SCFD2: variants seen among roughly 807,000 people sequenced by gnomAD.
SCFD2 encodes the protein sec1 family domain-containing protein 2.
In SCFD2, 54 loss-of-function variants were observed where a neutral mutation model predicts 58.9. That is an observed-to-expected ratio of 0.92 (90% CI 0.74 to 1.15). SCFD2 has a LOEUF of 1.15. Among genes scored for constraint, SCFD2 ranks in the 50% most tolerant of loss-of-function variants. The pLI, the probability that SCFD2 is intolerant of heterozygous loss-of-function variation, is 0.00. For missense variants in SCFD2, 805 were observed against 836.6 expected, an observed-to-expected ratio of 0.96 and a Z score of 0.47; for synonymous variants, 321 against 335.9, an observed-to-expected ratio of 0.96 and a Z score of 0.49.
At chr4:53,298,387 G>C (rs912330386) in intron 3 of SCFD2, among the ~76,000 whole-genome samples, 1 of 152,156 alleles carries the variant, frequency 6.6e-6, no homozygotes, top group Admixed American at 6.5e-5. Context: ...AGGCAGTAGC[G>C]AGGCTGGGGG....
chr4:53,342,603 C>T (rs1405165724), intron 2 of SCFD2, among the ~76,000 whole-genome samples: 1 of 152,190 alleles, frequency 6.6e-6, no homozygotes, highest in African/African-American at 2.4e-5. Flanking sequence ...CTGCACCAAG[C>T]AGACCTAATA....
intron 5 of SCFD2, among the ~76,000 whole-genome samples, chr4:53,041,860 A>G (rs116003143): frequency 0.012 from 1,832 of 152,196 alleles, 34 homozygotes; most frequent in African/African-American, 0.042. Flanking sequence ...GAGTGTATCC[A>G]CTTCTTCCAT....
intron 5 of SCFD2, among the ~76,000 whole-genome samples, chr4:52,940,601 A>G (rs1720267880): frequency 6.6e-6 from 1 of 152,198 alleles, no homozygotes; most frequent in Non-Finnish European, 1.5e-5. Context: ...AGAAAGAGGA[A>G]TGTAGCTGAA....
At chr4:53,143,070 C>G (rs1289744379) in intron 5 of SCFD2, among the ~76,000 whole-genome samples, 1 of 152,002 alleles carries the variant, frequency 6.6e-6, no homozygotes, top group Non-Finnish European at 1.5e-5. Context: ...AGTACAAATG[C>G]ACAGAAGTAT....
At chr4:53,329,223 C>T (rs565076544) in intron 2 of SCFD2, among the ~76,000 whole-genome samples, 2 of 152,200 alleles carry the variant, frequency 1.3e-5, no homozygotes. Flanking sequence ...CCTGGAAGCT[C>T]GAACTGGGTG....
Position 52,881,087 on chromosome 4 carries a change from C to A in SCFD2, c.1962+4660G>T, listed in dbSNP as rs79578109. On this transcript the variant is annotated intron_variant, in intron 8 of 8. Coordinates refer to ENST00000401642, the MANE Select transcript of SCFD2 (RefSeq NM_152540.4). ...CTTCTCCAATGCACCCATTTTCTCT[C>A]ATCAGCACATCTCCCAACAGCCACA... is the stretch of plus-strand genomic sequence containing the variant. 1.3e-3 allele frequency among the ~76,000 whole-genome samples: 199 copies of A among 152,378 alleles called. 1 individual carries two copies. The highest frequency in any genetic ancestry group is 1.9e-3 in the Admixed American group (29 of 15,306).
chr4:53,191,710 T>C (rs2148958537), intron 4 of SCFD2, among the ~76,000 whole-genome samples: 1 of 152,342 alleles, frequency 6.6e-6, no homozygotes, highest in African/African-American at 2.4e-5. Flanking sequence ...TGGCTGGTTA[T>C]ATGTTCTCTT....
intron 4 of SCFD2, among the ~76,000 whole-genome samples, chr4:53,167,767 C>G (rs548365058): frequency 6.6e-6 from 1 of 152,128 alleles, no homozygotes; most frequent in East Asian, 1.9e-4. Context: ...GAGGAGAGTT[C>G]TTTCTTCATA....
rs1394269818 is a variant in SCFD2, at chr4:53,145,326, C to T, written c.1561+7G>A. Reference sequence around the variant, plus strand: ...GTTTGTGTCCTGTATCTTTGTTAGACACTCACCCGTAATTTTTTGCAGCAA... The same window carrying T: ...GTTTGTGTCCTGTATCTTTGTTAGATACTCACCCGTAATTTTTTGCAGCAA... On this transcript the variant is annotated splice_region_variant and intron_variant, in intron 5 of 8. Transcript: ENST00000401642. The T allele has an allele frequency of 1.2e-6, 2 of 1,613,734 alleles. No homozygotes were observed. The highest frequency in any genetic ancestry group is 2.7e-5 in the African/African-American group (2 of 75,018).
rs1339776829 is a variant in SCFD2, at chr4:52,923,284, C to T, written c.1562-2414G>A. On this transcript the variant is annotated intron_variant, in intron 5 of 8. Coordinates refer to ENST00000401642, the MANE Select transcript of SCFD2 (RefSeq NM_152540.4). ...TTGAGGTCAGGAGTTCGAGACCAGCCTGGCCAACATGGTGAAACCCTGTCT... is the reference window on the plus strand; with the variant it reads ...TTGAGGTCAGGAGTTCGAGACCAGCTTGGCCAACATGGTGAAACCCTGTCT... Among the ~76,000 whole-genome samples the T allele has an allele frequency of 5.3e-5, 8 of 152,012 alleles. 1 individual carries two copies. Among genetic ancestry groups the T allele is most frequent in the African/African-American group, 1.9e-4 (8 of 41,380 alleles).
At chr4:53,299,932 A>G (rs1381351815) in intron 3 of SCFD2, among the ~76,000 whole-genome samples, 1 of 152,250 alleles carries the variant, frequency 6.6e-6, no homozygotes, top group Admixed American at 6.5e-5. Flanking sequence ...CTGCCCTAAA[A>G]GAGCTCCTGA....
chr4:53,348,864 G>A (rs932969667), intron 2 of SCFD2, among the ~76,000 whole-genome samples: 67 of 151,752 alleles, frequency 4.4e-4, no homozygotes, highest in African/African-American at 1.4e-3. Context: ...ACAGGCATGC[G>A]CCACCATGCC....
At chr4:53,189,803 A>T (rs1406090423) in intron 4 of SCFD2, among the ~76,000 whole-genome samples, 1 of 152,206 alleles carries the variant, frequency 6.6e-6, no homozygotes, top group Non-Finnish European at 1.5e-5. Flanking sequence ...CTCCAAGCAG[A>T]TCTGTGTGAC....
chr4:53,250,193 A>C (rs1037144140), intron 4 of SCFD2, among the ~76,000 whole-genome samples: 1 of 152,250 alleles, frequency 6.6e-6, no homozygotes, highest in African/African-American at 2.4e-5. Context: ...AAAGATCAAA[A>C]GAGACAAAGA....
intron 3 of SCFD2, among the ~76,000 whole-genome samples, chr4:53,279,821 G>A (rs1224333162): frequency 6.6e-6 from 1 of 152,150 alleles, no homozygotes; most frequent in Non-Finnish European, 1.5e-5. Context: ...AAGGTGGGAG[G>A]AGAGAGAAAA....
intron 4 of SCFD2, among the ~76,000 whole-genome samples, chr4:53,241,452 C>T (rs1242801070): frequency 2.0e-5 from 3 of 152,172 alleles, no homozygotes; most frequent in Non-Finnish European, 2.9e-5. Flanking sequence ...CCTGGCTGTG[C>T]CTGTTTGCAA....
intron 4 of SCFD2, among the ~76,000 whole-genome samples, chr4:53,186,733 C>G (rs1310534365): frequency 1.3e-5 from 2 of 151,654 alleles, no homozygotes; most frequent in East Asian, 3.9e-4. Flanking sequence ...AATAGGACAC[C>G]AAGAGCAAAA....
At chr4:53,028,480 T>C (rs1391954059) in intron 5 of SCFD2, among the ~76,000 whole-genome samples, 1 of 152,204 alleles carries the variant, frequency 6.6e-6, no homozygotes, top group Non-Finnish European at 1.5e-5. Context: ...ATATATGTTC[T>C]CTGTTCAACA....
intron 2 of SCFD2, among the ~76,000 whole-genome samples, chr4:53,315,534 T>C (rs554232874): frequency 6.6e-6 from 1 of 152,186 alleles, no homozygotes; most frequent in Non-Finnish European, 1.5e-5. Context: ...AAGAACAGCA[T>C]AGCTCAGCAG....
Sources: gnomAD v4.1 joint callset for allele counts (sites outside exome capture counted in the v4.1 genomes callset) on GRCh38, gnomAD v4.1.1 for gene constraint, MANE v1.5 for transcripts, NCBI Gene and HGNC (gene_info 2026-07-23, HGNC 2026-07-21) for gene names.